Variants in RIN2 observed in about 807,000 individuals in gnomAD.
RIN2 encodes Ras and Rab interactor 2.
RIN2 carries 36 observed loss-of-function variants against 78.0 expected under a neutral mutation model. The observed-to-expected ratio is 0.46, with a 90% CI of 0.35 to 0.61. The LOEUF is 0.61. RIN2 is among the 20% of genes least tolerant of loss of function. The pLI is 0.00. For missense variants in RIN2, 1,087 were observed against 1,159.7 expected, an observed-to-expected ratio of 0.94 and a Z score of 0.91; for synonymous variants, 466 against 466.8, an observed-to-expected ratio of 1.00 and a Z score of 0.02.
intron 1 of RIN2, among the ~76,000 whole-genome samples, chr20:19,773,744 G>A (rs191621287): frequency 1.3e-5 from 2 of 152,040 alleles, no homozygotes; most frequent in East Asian, 3.9e-4. Context: ...CTTCCTGCTG[G>A]CTGAGGTGCA....
At chr20:19,821,993 A>T (rs1225195994) in intron 2 of RIN2, among the ~76,000 whole-genome samples, 1 of 152,228 alleles carries the variant, frequency 6.6e-6, no homozygotes, top group Non-Finnish European at 1.5e-5. Context: ...AGGCTGCAGA[A>T]GGTAGAACTG....
chr20:19,816,973 T>G (rs1340883788), intron 2 of RIN2, among the ~76,000 whole-genome samples: 1 of 152,180 alleles, frequency 6.6e-6, no homozygotes, highest in East Asian at 1.9e-4. Context: ...TTGGCATGAT[T>G]GCAATATAAT....
At chr20:19,792,965 G>A (rs889076429) in intron 1 of RIN2, among the ~76,000 whole-genome samples, 23 of 151,990 alleles carry the variant, frequency 1.5e-4, no homozygotes, top group Non-Finnish European at 3.1e-4. Flanking sequence ...GTGTGTGTGT[G>A]TGTGTCTGGT....
intron 3 of RIN2, among the ~76,000 whole-genome samples, chr20:19,925,678 A>G (rs148025036): frequency 1.3e-5 from 2 of 152,378 alleles, no homozygotes; most frequent in Non-Finnish European, 2.9e-5. Context: ...GGCAAAGCAA[A>G]TGAAAACAAA....
intron 4 of RIN2, among the ~76,000 whole-genome samples, chr20:19,944,542 A>G (rs987688730): frequency 1.3e-5 from 2 of 152,234 alleles, no homozygotes; most frequent in Non-Finnish European, 2.9e-5. Context: ...CGGCAATGCC[A>G]CATCCCAGGG....
chr20:19,908,034 T>C (rs1056856356), intron 3 of RIN2, among the ~76,000 whole-genome samples: 1 of 152,182 alleles, frequency 6.6e-6, no homozygotes, highest in Non-Finnish European at 1.5e-5. Context: ...TAATGAAGTG[T>C]TATTTCTTCA....
intron 2 of RIN2, among the ~76,000 whole-genome samples, chr20:19,869,496 C>T (rs370366298): frequency 6.6e-6 from 1 of 152,230 alleles, no homozygotes; most frequent in African/African-American, 2.4e-5. Context: ...GGAAATGGGG[C>T]CTGGTTGAAT....
Position 19,838,944 on chromosome 20 carries a change from C to G in RIN2, c.-37+39197C>G, listed in dbSNP as rs530778286. ...TGGCCTGACAACACCAGCTTGTCAG[C>G]CTGGATGGCCCGGGAGGCCTCTAGG... On this transcript the variant is annotated intron_variant, in intron 2 of 12. Coordinates refer to ENST00000255006, the MANE Select transcript of RIN2 (RefSeq NM_018993.4). Among the ~76,000 whole-genome samples, 7 of 152,204 alleles carry G rather than the reference C, an allele frequency of 4.6e-5. No homozygotes were observed. In the East Asian group the frequency reaches 1.4e-3, roughly 29 times the overall value.
intron 3 of RIN2, among the ~76,000 whole-genome samples, chr20:19,903,293 G>A (rs1230718791): frequency 2.6e-5 from 4 of 152,146 alleles, no homozygotes; most frequent in South Asian, 2.1e-4. Context: ...AGCAGCCAGC[G>A]CTCGTGTGTG....
At chr20:19,924,716 CTTTTTTTTTTTTTTTTT>C (rs869199855) in intron 3 of RIN2, among the ~76,000 whole-genome samples, 1 of 10,982 alleles carries the variant, frequency 9.1e-5, no homozygotes, top group Non-Finnish European at 1.6e-4. Context: ...ATCCCCACCT[CTTTTTTTTTTTTTTTTT>C]TTTTTTTTTT....
chr20:19,889,309 C>A (rs186004890), intron 2 of RIN2: 18 of 1,176,746 alleles, frequency 1.5e-5, no homozygotes, highest in Admixed American at 1.3e-4. Flanking sequence ...AATCATTAGG[C>A]TTCCTGAAGT....
At chr20:19,907,124 G>C (rs765042495) in intron 3 of RIN2, among the ~76,000 whole-genome samples, 23 of 152,276 alleles carry the variant, frequency 1.5e-4, no homozygotes, top group Non-Finnish European at 2.9e-4. Flanking sequence ...GAGGGAGAGA[G>C]AGAGGAAGGG....
intron 2 of RIN2, among the ~76,000 whole-genome samples, chr20:19,856,885 G>T (rs1036032077): frequency 6.6e-6 from 1 of 152,170 alleles, no homozygotes; most frequent in African/African-American, 2.4e-5. Flanking sequence ...AACAAGATGA[G>T]AGGCCACTTT....
chr20:19,956,322 G>A (rs953431775), intron 4 of RIN2, among the ~76,000 whole-genome samples: 2 of 149,890 alleles, frequency 1.3e-5, no homozygotes, highest in Non-Finnish European at 3.0e-5. Context: ...GGAAGACAAA[G>A]CCTGAATAAA....
intron 1 of RIN2, among the ~76,000 whole-genome samples, chr20:19,769,659 G>A (rs1286778754): frequency 6.6e-6 from 1 of 152,194 alleles, no homozygotes; most frequent in African/African-American, 2.4e-5. Flanking sequence ...GCTCCTACCA[G>A]TGACAAACCA....
At chr20:19,952,580 C>G (rs1306746281) in intron 4 of RIN2, among the ~76,000 whole-genome samples, 2 of 152,166 alleles carry the variant, frequency 1.3e-5, no homozygotes, top group African/African-American at 4.8e-5. Flanking sequence ...CCTGTCTGGG[C>G]CCTGCTTTTT....
chr20:19,897,961 G>T (rs995440287), intron 3 of RIN2, among the ~76,000 whole-genome samples: 1 of 152,112 alleles, frequency 6.6e-6, no homozygotes, highest in African/African-American at 2.4e-5. Context: ...TGACCCTCCT[G>T]CTTCAGCCTC....
At chr20:19,940,410 C>T (rs35205525) in intron 4 of RIN2, among the ~76,000 whole-genome samples, 3 of 152,218 alleles carry the variant, frequency 2.0e-5, no homozygotes, top group African/African-American at 7.2e-5. Context: ...TGTGACAGGC[C>T]TAAGGCTTCC....
intron 2 of RIN2, among the ~76,000 whole-genome samples, chr20:19,879,738 G>A (rs910538792): frequency 2.0e-5 from 3 of 152,198 alleles, no homozygotes; most frequent in Non-Finnish European, 4.4e-5. Context: ...ACAAACACCC[G>A]GAGACTTCTC....
Sources: gnomAD v4.1 joint callset for allele counts (sites outside exome capture counted in the v4.1 genomes callset) on GRCh38, gnomAD v4.1.1 for gene constraint, MANE v1.5 for transcripts, NCBI Gene and HGNC (gene_info 2026-07-23, HGNC 2026-07-21) for gene names.